The following BMPR1A variants were observed in gnomAD, a reference collection of about 807,000 sequenced individuals.
BMPR1A encodes bone morphogenetic protein receptor type-1A.
Under a neutral mutation model 66.0 loss-of-function variants are expected in BMPR1A, and 7 were observed. The ratio of observed to expected loss-of-function variants is 0.11; its 90% CI spans 0.06 to 0.20. BMPR1A has a LOEUF of 0.20. Among genes scored for constraint, BMPR1A ranks in the 10% least tolerant of loss-of-function variants. BMPR1A has a pLI of 1.00. For synonymous variants in BMPR1A, 200 were observed against 229.7 expected, an observed-to-expected ratio of 0.87 and a Z score of 1.17; for missense variants, 408 against 669.1, an observed-to-expected ratio of 0.61 and a Z score of 4.31.
intron 2 of BMPR1A, among the ~76,000 whole-genome samples, chr10:86,873,022 C>T (rs531818221): frequency 1.3e-5 from 2 of 152,200 alleles, no homozygotes; most frequent in East Asian, 1.9e-4. Context: ...GATGTTTTTG[C>T]GGAAGGAACT....
chr10:86,759,942 C>T (rs375073745), intron 1 of BMPR1A, among the ~76,000 whole-genome samples: 1 of 151,842 alleles, frequency 6.6e-6, no homozygotes, highest in African/African-American at 2.4e-5. Context: ...TGTTATTTGG[C>T]TTTCACGTAG....
intron 2 of BMPR1A, among the ~76,000 whole-genome samples, chr10:86,874,374 A>T (rs1842891663): frequency 6.6e-6 from 1 of 152,028 alleles, no homozygotes; most frequent in African/African-American, 2.4e-5. Flanking sequence ...TTTCTTTAAG[A>T]TACTGCTTTT....
At chr10:86,820,655 C>G (rs965990702) in intron 1 of BMPR1A, among the ~76,000 whole-genome samples, 12 of 152,178 alleles carry the variant, frequency 7.9e-5, no homozygotes, top group African/African-American at 2.9e-4. Context: ...CTGCCATTAC[C>G]TCAGAGCTAT....
chr10:86,855,902 A>G (rs1172111300), intron 2 of BMPR1A: 5 of 666,134 alleles, frequency 7.5e-6, no homozygotes, highest in South Asian at 1.8e-5. Flanking sequence ...TTGCTTTTCA[A>G]ACTGGCTAGG....
chr10:86,890,254 G>C, intron 4 of BMPR1A, 30 bp downstream of exon 4: 1 of 1,611,818 alleles, frequency 6.2e-7, no homozygotes, highest in South Asian at 1.1e-5. Context: ...CTTCTTAAGA[G>C]TTAGGAGAAT....
chr10:86,930,948 G>A (rs1034061925), downstream of BMPR1A: 3 of 151,974 alleles, frequency 2.0e-5, no homozygotes, highest in African/African-American at 7.2e-5. Context: ...AATATGGAAT[G>A]TTTATATTGA....
chr10:86,890,711 A>G (rs967678591), intron 4 of BMPR1A, among the ~76,000 whole-genome samples: 2 of 152,086 alleles, frequency 1.3e-5, no homozygotes, highest in Non-Finnish European at 2.9e-5. Flanking sequence ...TGGGATTACT[A>G]GGGTGAGCTG....
chr10:86,882,059 G>T (rs1326856321), intron 3 of BMPR1A, among the ~76,000 whole-genome samples: 1 of 151,842 alleles, frequency 6.6e-6, no homozygotes, highest in African/African-American at 2.4e-5. Flanking sequence ...GACATATCTG[G>T]TATTAGCTTC....
At chr10:86,832,218 A>T (rs1201403247) in intron 1 of BMPR1A, among the ~76,000 whole-genome samples, 4 of 152,222 alleles carry the variant, frequency 2.6e-5, no homozygotes, top group Admixed American at 2.6e-4. Context: ...CTGTAATCCC[A>T]GCACTCTGGG....
chr10:86,770,605 T>G (rs1841241679), intron 1 of BMPR1A, among the ~76,000 whole-genome samples: 1 of 152,148 alleles, frequency 6.6e-6, no homozygotes, highest in African/African-American at 2.4e-5. Context: ...TACTCCAGTC[T>G]CTCTCCTCCC....
chr10:86,847,671 T>TAC (rs1842506576), intron 2 of BMPR1A, among the ~76,000 whole-genome samples: 2 of 152,080 alleles, frequency 1.3e-5, no homozygotes, highest in East Asian at 1.9e-4. Flanking sequence ...TATTTAAAAA[T>TAC]ACACACACAC....
intron 8 of BMPR1A, among the ~76,000 whole-genome samples, chr10:86,916,694 T>C (rs2133571775): frequency 6.6e-6 from 1 of 152,186 alleles, no homozygotes; most frequent in Non-Finnish European, 1.5e-5. Flanking sequence ...TTTCATACTT[T>C]AAAGTACATT....
chr10:86,883,725 G>A (rs1400416463), intron 3 of BMPR1A, among the ~76,000 whole-genome samples: 4 of 151,166 alleles, frequency 2.6e-5, no homozygotes, highest in East Asian at 2.0e-4. Context: ...AGTGGAGATC[G>A]TGCCATTGTA....
At chr10:86,773,308 G>T (rs1185416324) in intron 1 of BMPR1A, among the ~76,000 whole-genome samples, 1 of 151,954 alleles carries the variant, frequency 6.6e-6, no homozygotes, top group Non-Finnish European at 1.5e-5. Context: ...CCAGATGAAG[G>T]CCAGGTGTGG....
downstream of BMPR1A, chr10:86,931,736 C>T (rs1223246884): frequency 6.6e-6 from 1 of 152,108 alleles, no homozygotes; most frequent in Non-Finnish European, 1.5e-5. Flanking sequence ...GAAGTTGAAA[C>T]TGGCCATATC....
Position 86,923,614 on chromosome 10 carries a change from G to C in BMPR1A, c.1494G>C (p.Lys498Asn), listed in dbSNP as rs1843699220. The change falls in exon 13 of 13, where the codon AAG becomes AAC. Residue 498 changes from lysine to asparagine, a missense_variant. Physicochemically the swap from Lys to Asn is moderately conservative, Grantham distance 94. This residue lies in a region of BMPR1A where 130 missense variants were observed against 257.3 expected (regional missense o/e 0.51). Coordinates refer to ENST00000372037, the MANE Select transcript of BMPR1A (RefSeq NM_004329.3). ...NSDECLRAVL[K>N]LMSECWAHNP... ...TTCAGTGTCTACGAGCAGTTTTGAA[G>C]CTAATGTCAGAATGCTGGGCCCACA... is the stretch of plus-strand genomic sequence containing the variant. 1 of 1,614,202 alleles carries C rather than the reference G, an allele frequency of 6.2e-7. No homozygotes were observed. Among genetic ancestry groups the C allele is most frequent in the Non-Finnish European group, 8.5e-7 (1 of 1,180,034 alleles).
chr10:86,847,644 G>T (rs990879284), intron 2 of BMPR1A, among the ~76,000 whole-genome samples: 7 of 151,926 alleles, frequency 4.6e-5, no homozygotes. Flanking sequence ...GAGGCCAGGA[G>T]TTCGAGACCC....
intron 3 of BMPR1A, among the ~76,000 whole-genome samples, chr10:86,876,959 C>T (rs1257601748): frequency 6.6e-6 from 1 of 152,172 alleles, no homozygotes; most frequent in Non-Finnish European, 1.5e-5. Context: ...TGTGATGACT[C>T]TTAGGACCAG....
intron 1 of BMPR1A, among the ~76,000 whole-genome samples, chr10:86,765,185 T>TA (rs1033707409): frequency 6.6e-6 from 1 of 151,950 alleles, no homozygotes; most frequent in African/African-American, 2.4e-5. Context: ...CAGAATGCTT[T>TA]AAAATCTAGT....
Sources: gnomAD v4.1 joint callset for allele counts (sites outside exome capture counted in the v4.1 genomes callset) on GRCh38, gnomAD v4.1.1 for gene constraint, gnomAD v4.1.1 regional missense constraint, MANE v1.5 for transcripts, NCBI Gene and HGNC (gene_info 2026-07-23, HGNC 2026-07-21) for gene names.